MYO1D: variants seen among roughly 807,000 people sequenced by gnomAD.
MYO1D encodes unconventional myosin-Id.
MYO1D carries 83 observed loss-of-function variants against 122.0 expected under a neutral mutation model. The observed-to-expected ratio is 0.68, with a 90% CI of 0.57 to 0.82. MYO1D has a LOEUF of 0.82. MYO1D is among the 40% of genes least tolerant of loss of function. MYO1D has a pLI of 0.00. For synonymous variants in MYO1D, 464 were observed against 446.9 expected, an observed-to-expected ratio of 1.04 and a Z score of -0.48; for missense variants, 1,157 against 1,269.5, an observed-to-expected ratio of 0.91 and a Z score of 1.35.
intron 15 of MYO1D, among the ~76,000 whole-genome samples, chr17:32,713,227 T>C (rs1374890470): frequency 2.6e-5 from 4 of 152,240 alleles, no homozygotes; most frequent in African/African-American, 9.6e-5. Flanking sequence ...TTTTGGTATA[T>C]GGTGTGAGGT....
At chr17:32,768,908 G>C (rs556498251) in intron 6 of MYO1D, among the ~76,000 whole-genome samples, 1 of 152,166 alleles carries the variant, frequency 6.6e-6, no homozygotes, top group Non-Finnish European at 1.5e-5. Flanking sequence ...TCCTACTGTG[G>C]GGAACTGTTG....
At chr17:32,684,002 C>T (rs921692121) in intron 16 of MYO1D, among the ~76,000 whole-genome samples, 29 of 152,164 alleles carry the variant, frequency 1.9e-4, no homozygotes, top group Non-Finnish European at 7.3e-5. Context: ...TGGGAGTGAC[C>T]CGATTTCCAG....
chr17:32,756,363 T>C (rs1355941125), intron 10 of MYO1D: 2 of 213,862 alleles, frequency 9.4e-6, no homozygotes, highest in East Asian at 6.9e-5. Flanking sequence ...AAAATTTCAG[T>C]CTTTTAAACA....
At chr17:32,718,039 T>C (rs946213673) in intron 15 of MYO1D, among the ~76,000 whole-genome samples, 3 of 152,164 alleles carry the variant, frequency 2.0e-5, no homozygotes, top group African/African-American at 7.2e-5. Context: ...TCCCATCTTT[T>C]TTTCTTTGTG....
intron 3 of MYO1D, among the ~76,000 whole-genome samples, chr17:32,776,301 A>C (rs1903233510): frequency 6.6e-6 from 1 of 152,226 alleles, no homozygotes; most frequent in Non-Finnish European, 1.5e-5. Context: ...GCATATATTA[A>C]TGAATATAAA....
intron 21 of MYO1D, among the ~76,000 whole-genome samples, chr17:32,601,608 A>C (rs542153327): frequency 6.6e-6 from 1 of 152,236 alleles, no homozygotes; most frequent in Non-Finnish European, 1.5e-5. Flanking sequence ...CAAAAGAGTC[A>C]GCCTGTCCTT....
At chr17:32,698,553 T>G (rs917371761) in intron 16 of MYO1D, among the ~76,000 whole-genome samples, 3 of 152,068 alleles carry the variant, frequency 2.0e-5, no homozygotes, top group African/African-American at 7.2e-5. Context: ...TCTGACAGTT[T>G]CCTAACAAAT....
chr17:32,546,959 G>A (rs986942638), intron 21 of MYO1D, among the ~76,000 whole-genome samples: 14 of 150,480 alleles, frequency 9.3e-5, no homozygotes, highest in Middle Eastern at 3.4e-3. Context: ...CCAGGCTGGA[G>A]TGTACAGTGG....
intron 1 of MYO1D, among the ~76,000 whole-genome samples, chr17:32,861,574 T>C (rs1005239296): frequency 2.0e-5 from 3 of 152,166 alleles, no homozygotes; most frequent in Non-Finnish European, 4.4e-5. Context: ...AAATTTTGAA[T>C]CTTGGGATTT....
intron 20 of MYO1D, among the ~76,000 whole-genome samples, chr17:32,626,556 A>G (rs1484432562): frequency 2.6e-5 from 4 of 152,192 alleles, no homozygotes; most frequent in Non-Finnish European, 5.9e-5. Flanking sequence ...ACTGATGAAA[A>G]TGGACTCTAC....
chr17:32,626,099 T>C (rs1420941664), intron 20 of MYO1D, among the ~76,000 whole-genome samples: 2 of 152,218 alleles, frequency 1.3e-5, no homozygotes, highest in South Asian at 2.1e-4. Flanking sequence ...ACTGTGCCGA[T>C]GGACTGGTGG....
chr17:32,561,302 A>G (rs1171824094), intron 21 of MYO1D, among the ~76,000 whole-genome samples: 1 of 152,056 alleles, frequency 6.6e-6, no homozygotes, highest in Non-Finnish European at 1.5e-5. Context: ...TCCCATTACA[A>G]ATTCTACATT....
chr17:32,805,125 C>T (rs12600459), intron 1 of MYO1D, among the ~76,000 whole-genome samples: 4,524 of 152,260 alleles, frequency 0.03, 138 homozygotes, highest in East Asian at 0.19. Flanking sequence ...CTTGCCCCTT[C>T]TGTCATGTAA....
intron 16 of MYO1D, among the ~76,000 whole-genome samples, chr17:32,662,687 G>A (rs1447388242): frequency 1.3e-5 from 2 of 151,568 alleles, no homozygotes; most frequent in African/African-American, 2.4e-5. Flanking sequence ...AAAAAAAAAA[G>A]AGCTGTGTAA....
At position 32,492,648 on chromosome 17, in the gene MYO1D, A is replaced by G. The variant is rs1908919586; in HGVS notation, c.*2111T>C. 6.6e-6 allele frequency: 1 copy of G among 152,642 alleles called. No homozygotes were observed. Among genetic ancestry groups the G allele is most frequent in the Admixed American group, 6.5e-5 (1 of 15,288 alleles). 9.5% of individuals were successfully genotyped at this position (152,642 alleles called of 1,614,324 possible). On this transcript the variant is annotated 3_prime_UTR_variant, in exon 22 of 22. Transcript: ENST00000318217. ...TTATTGCTCTTGATGGCAAATCAAA[A>G]TATGCTTTAGAAATAAAGTTAATTT...
chr17:32,828,501 G>A (rs1163160200), intron 1 of MYO1D, among the ~76,000 whole-genome samples: 1 of 131,616 alleles, frequency 7.6e-6, no homozygotes, highest in East Asian at 2.2e-4. Context: ...GGACGACAGA[G>A]CGAGACTCCG....
intron 21 of MYO1D, among the ~76,000 whole-genome samples, chr17:32,562,897 G>A (rs1157271558): frequency 6.6e-6 from 1 of 152,070 alleles, no homozygotes; most frequent in Admixed American, 6.6e-5. Flanking sequence ...ACATTTTATG[G>A]TATTTCCTTT....
intron 1 of MYO1D, among the ~76,000 whole-genome samples, chr17:32,852,725 T>C (rs1223616301): frequency 1.3e-5 from 2 of 152,182 alleles, no homozygotes; most frequent in Non-Finnish European, 2.9e-5. Context: ...ATTGTCTTTA[T>C]ATATTTCTAT....
At chr17:32,757,110 G>A (rs2089955810) in intron 10 of MYO1D, among the ~76,000 whole-genome samples, 1 of 152,236 alleles carries the variant, frequency 6.6e-6, no homozygotes, top group African/African-American at 2.4e-5. Flanking sequence ...AGTGACTCAT[G>A]TATTCCCATT....
Sources: gnomAD v4.1 joint callset for allele counts (sites outside exome capture counted in the v4.1 genomes callset) on GRCh38, gnomAD v4.1.1 for gene constraint, MANE v1.5 for transcripts, NCBI Gene and HGNC (gene_info 2026-07-23, HGNC 2026-07-21) for gene names.